RAB37: variants seen among roughly 807,000 people sequenced by gnomAD.
RAB37 encodes the protein RAB37, member RAS oncogene family.
Under a neutral mutation model 33.1 loss-of-function variants are expected in RAB37, and 29 were observed. That is an observed-to-expected ratio of 0.88 (90% confidence interval 0.65 to 1.20). The LOEUF (loss-of-function observed/expected upper bound fraction) is 1.20. Among genes scored for constraint, RAB37 ranks in the 50% most tolerant of loss-of-function variants. RAB37 has a pLI of 0.00. For synonymous variants in RAB37, 128 were observed against 119.5 expected (o/e 1.07, Z -0.47); for missense variants, 299 against 301.1 (o/e 0.99, Z 0.05).
intron 1 of RAB37, among the ~76,000 whole-genome samples, chr17:74,715,282 G>A (rs1275185249): frequency 6.6e-6 from 1 of 152,210 alleles, no homozygotes; most frequent in Non-Finnish European, 1.5e-5. Context: ...AATCAGGAAT[G>A]AGTGGGTGTG....
At chr17:74,712,925 C>G (rs758320992) in intron 1 of RAB37, 3 of 1,552,198 alleles carry the variant, frequency 1.9e-6, no homozygotes, top group Non-Finnish European at 2.7e-6. Context: ...GAACAAACTA[C>G]AGACTCCCAG....
chr17:74,681,732 C>T (rs1477220707), intron 1 of RAB37, among the ~76,000 whole-genome samples: 1 of 152,214 alleles, frequency 6.6e-6, no homozygotes, highest in Non-Finnish European at 1.5e-5. Flanking sequence ...TAGGCCCTGA[C>T]CATCACCTGT....
upstream of RAB37, among the ~76,000 whole-genome samples, chr17:74,735,018 GAAGAAAGA>G (rs562187740): frequency 0.25 from 20,705 of 82,144 alleles, 2,789 homozygotes; most frequent in South Asian, 0.33. Flanking sequence ...AGGAAGGAAG[GAAGAAAGA>G]AAGAAAGAAA....
At chr17:74,740,164 AAAAGAAAG>A (rs750804715) in intron 1 of RAB37, among the ~76,000 whole-genome samples, 4 of 151,968 alleles carry the variant, frequency 2.6e-5, no homozygotes, top group Non-Finnish European at 2.9e-5. Context: ...CTCAAAAAAA[AAAAGAAAG>A]AAAGAAAGAA....
In RAB37 at chr17:74,737,299, C is replaced by T. The variant is rs749121577; in HGVS notation, c.27C>T (p.Ala9=). 18 of 1,575,718 alleles carry T rather than the reference C, an allele frequency of 1.1e-5. No individual in the cohort carries two copies. Among genetic ancestry groups the T allele is most frequent in the East Asian group, 9.1e-5 (4 of 43,858 alleles). Residue 9 remains alanine (A), a synonymous_variant, in exon 1 of 9, where the codon GCC becomes GCT. Coordinates refer to ENST00000392613, the MANE Select transcript of RAB37 (RefSeq NM_001006638.3). Reference sequence around the variant, plus strand: ...TGACGGGCACGCCAGGCGCCGTTGCCACCCGGGATGGCGAGGCCCCCGAGC... The same window carrying T: ...TGACGGGCACGCCAGGCGCCGTTGCTACCCGGGATGGCGAGGCCCCCGAGC... MTGTPGAV[A]TRDGEAPERS...
At chr17:74,672,272 A>G (rs1347152537) in intron 1 of RAB37, among the ~76,000 whole-genome samples, 1 of 126,448 alleles carries the variant, frequency 7.9e-6, no homozygotes, top group Non-Finnish European at 1.7e-5. Context: ...GTTGTTGGGA[A>G]AAATAGTAGC....
intron 1 of RAB37, chr17:74,696,349 C>T: frequency 1.1e-6 from 1 of 892,670 alleles, no homozygotes; most frequent in Non-Finnish European, 1.7e-6. Context: ...GGACCTGGTT[C>T]TAATTCTGAT....
intron 1 of RAB37, among the ~76,000 whole-genome samples, chr17:74,717,357 G>T (rs1022024093): frequency 6.6e-6 from 1 of 152,146 alleles, no homozygotes; most frequent in African/African-American, 2.4e-5. Flanking sequence ...AGAAAAATAG[G>T]CGTCTCCAAA....
intron 1 of RAB37, among the ~76,000 whole-genome samples, chr17:74,693,580 G>A (rs772608107): frequency 4.6e-5 from 7 of 152,116 alleles, no homozygotes; most frequent in Non-Finnish European, 7.4e-5. Flanking sequence ...ATGATGAGAC[G>A]TGGTGGGGTT....
At chr17:74,692,239 C>T (rs1293411472) in intron 1 of RAB37, among the ~76,000 whole-genome samples, 1 of 152,122 alleles carries the variant, frequency 6.6e-6, no homozygotes, top group Non-Finnish European at 1.5e-5. Flanking sequence ...ATTTTAAGAT[C>T]TCTCTGTGGG....
upstream of RAB37, among the ~76,000 whole-genome samples, chr17:74,733,853 G>T (rs1038627894): frequency 6.6e-6 from 1 of 152,002 alleles, no homozygotes; most frequent in Non-Finnish European, 1.5e-5. Context: ...TGGCCCTGGG[G>T]ACAGTGTACG....
At chr17:74,735,531 G>A (rs1417500119), upstream of RAB37, among the ~76,000 whole-genome samples, 2 of 152,184 alleles carry the variant, frequency 1.3e-5, no homozygotes, top group East Asian at 1.9e-4. Flanking sequence ...GTGAGACTCC[G>A]TCTCCGGGAG....
Position 74,747,081 on chromosome 17 carries a change from A to T in RAB37, c.*1670A>T, listed in dbSNP as rs1377589775. The T allele has an allele frequency of 2.0e-5, 3 of 152,460 alleles. No individual in the cohort carries two copies. The highest frequency in any genetic ancestry group is 4.4e-5 in the Non-Finnish European group (3 of 68,166). 9.4% of individuals were successfully genotyped at this position (152,460 alleles called of 1,614,324 possible). On this transcript the variant is annotated 3_prime_UTR_variant, in exon 9 of 9. Transcript: ENST00000392613. The stretch of plus-strand genomic sequence containing the variant: ...CTGGAGGGGGAGAGGGGGAGGAAGA[A>T]GTATGCGCTGCACATTTCTGAGGCT...
At chr17:74,722,086 G>C (rs1297723356) in intron 1 of RAB37, among the ~76,000 whole-genome samples, 1 of 151,944 alleles carries the variant, frequency 6.6e-6, no homozygotes, top group Non-Finnish European at 1.5e-5. Context: ...ACGAGGTCAG[G>C]AGATCGAGAC....
At chr17:74,718,454 C>T (rs561245654) in intron 1 of RAB37, among the ~76,000 whole-genome samples, 140 of 152,196 alleles carry the variant, frequency 9.2e-4, no homozygotes, top group African/African-American at 3.0e-3. Context: ...CAGAATAGAG[C>T]ACCTGTCATC....
chr17:74,701,057 G>A (rs971615003), intron 1 of RAB37, among the ~76,000 whole-genome samples: 3 of 152,160 alleles, frequency 2.0e-5, no homozygotes, highest in Non-Finnish European at 2.9e-5. Flanking sequence ...AACCAACCTT[G>A]TGGACCACTT....
At chr17:74,735,020 A>AG (rs1428854072), upstream of RAB37, among the ~76,000 whole-genome samples, 1,197 of 52,306 alleles carry the variant, frequency 0.023, 25 homozygotes, top group Middle Eastern at 0.056. Flanking sequence ...GAAGGAAGGA[A>AG]GAAAGAAAGA....
At chr17:74,697,722 C>A (rs532942554) in intron 1 of RAB37, among the ~76,000 whole-genome samples, 1 of 151,978 alleles carries the variant, frequency 6.6e-6, no homozygotes, top group African/African-American at 2.4e-5. Context: ...TAGACTCCTG[C>A]GCCAAGAGGC....
chr17:74,711,304 A>C (rs2033944970), intron 1 of RAB37, among the ~76,000 whole-genome samples: 2 of 151,320 alleles, frequency 1.3e-5, no homozygotes, highest in Admixed American at 1.3e-4. Context: ...AACCACTCCC[A>C]CTCCCAACAC....
Sources: allele counts gnomAD v4.1 joint callset (sites outside exome capture counted in the v4.1 genomes callset), GRCh38; gene constraint gnomAD v4.1.1; transcripts MANE v1.5; gene names NCBI Gene and HGNC (gene_info 2026-07-23, HGNC 2026-07-21).